The following TBCK variants were observed in gnomAD, a reference collection of about 807,000 sequenced individuals.
TBCK encodes TBC domain-containing protein kinase-like protein.
In TBCK, 99 loss-of-function variants were observed where a neutral mutation model predicts 113.4. The observed-to-expected ratio is 0.87, with a 90% CI of 0.74 to 1.03. TBCK has a LOEUF of 1.03. Among genes scored for constraint, TBCK ranks in the 50% least tolerant of loss-of-function variants. TBCK has a pLI of 0.00. For synonymous variants in TBCK, 369 were observed against 370.8 expected (o/e 1.00, Z 0.05); for missense variants, 1,045 against 1,061.3 (o/e 0.98, Z 0.21).
chr4:106,117,251 C>A (rs1455703007), intron 23 of TBCK, among the ~76,000 whole-genome samples: 1 of 152,120 alleles, frequency 6.6e-6, no homozygotes, highest in Admixed American at 6.5e-5. Flanking sequence ...ATATAAACTA[C>A]TGTTGTTTTG....
intron 11 of TBCK, among the ~76,000 whole-genome samples, chr4:106,243,474 G>A (rs1351195387): frequency 2.6e-5 from 4 of 151,864 alleles, no homozygotes; most frequent in Non-Finnish European, 5.9e-5. Context: ...TTTCTTCTTG[G>A]AATTTCCGTA....
chr4:106,094,231 T>C (rs1740657874), intron 25 of TBCK, among the ~76,000 whole-genome samples: 1 of 152,164 alleles, frequency 6.6e-6, no homozygotes, highest in Non-Finnish European at 1.5e-5. Flanking sequence ...TATTTTCATG[T>C]TTCCTTTTTT....
chr4:106,252,776 G>A (rs1193652262), intron 5 of TBCK, among the ~76,000 whole-genome samples: 2 of 152,012 alleles, frequency 1.3e-5, no homozygotes, highest in Non-Finnish European at 2.9e-5. Context: ...ATTCTTAGAA[G>A]TGGCATTCCA....
chr4:106,131,566 T>A (rs926821794), intron 23 of TBCK, among the ~76,000 whole-genome samples: 1 of 152,104 alleles, frequency 6.6e-6, no homozygotes, highest in African/African-American at 2.4e-5. Context: ...CGAGCCAAGA[T>A]CGCATCACTG....
chr4:106,255,931 C>A lies in TBCK; in HGVS notation c.456-3924G>T, dbSNP rs1560919169. ...GTCCCAAGGAGTGTCCAACACTCAG[C>A]TGAGAGGAGACCCTAGGGTGGATAG... On this transcript the variant is annotated intron_variant, in intron 5 of 25. Transcript: ENST00000394708. 4.6e-5 allele frequency among the ~76,000 whole-genome samples: 7 copies of A among 152,262 alleles called. No individual in the cohort carries two copies. The South Asian group carries it at 1.5e-3, about 32-fold the overall frequency.
At chr4:106,204,587 T>A (rs562156733) in intron 20 of TBCK, among the ~76,000 whole-genome samples, 51 of 152,226 alleles carry the variant, frequency 3.4e-4, no homozygotes, top group Non-Finnish European at 2.6e-4. Flanking sequence ...TTATTAAATA[T>A]CTCTTTTAAA....
chr4:106,231,781 T>C lies in TBCK; in HGVS notation c.1640-2A>G. On this transcript the variant is annotated splice_acceptor_variant, in intron 17 of 25. Coordinates refer to ENST00000394708, the MANE Select transcript of TBCK (RefSeq NM_001163435.3). LOFTEE classifies it high-confidence loss of function. ...ATGGAGCACAAAGTGAGTCAAGACCTAACACAGAGGGGTTGGGAGAAAGAA... is the reference window on the plus strand; with the variant it reads ...ATGGAGCACAAAGTGAGTCAAGACCCAACACAGAGGGGTTGGGAGAAAGAA... 6.2e-7 allele frequency: 1 copy of C among 1,609,134 alleles called. No individual in the cohort carries two copies. Among genetic ancestry groups the C allele is most frequent in the Non-Finnish European group, 8.5e-7 (1 of 1,177,378 alleles).
chr4:106,119,453 T>C (rs1386858324), intron 23 of TBCK, among the ~76,000 whole-genome samples: 1 of 152,102 alleles, frequency 6.6e-6, no homozygotes, highest in Non-Finnish European at 1.5e-5. Flanking sequence ...AAAAACTGAA[T>C]ATCTATATGC....
intron 3 of TBCK, among the ~76,000 whole-genome samples, chr4:106,290,844 G>A (rs568464767): frequency 6.6e-6 from 1 of 152,216 alleles, no homozygotes; most frequent in Non-Finnish European, 1.5e-5. Flanking sequence ...ATAGGAGCAC[G>A]AACCCTACTG....
chr4:106,210,084 G>A (rs938230823), intron 20 of TBCK, among the ~76,000 whole-genome samples: 1 of 152,086 alleles, frequency 6.6e-6, no homozygotes, highest in African/African-American at 2.4e-5. Flanking sequence ...GACATTTACT[G>A]TCCTTTGTTC....
At chr4:106,164,391 C>G (rs968478996) in intron 23 of TBCK, 2 of 151,866 alleles carry the variant, frequency 1.3e-5, no homozygotes, top group Non-Finnish European at 2.9e-5. Flanking sequence ...CTTATACTTA[C>G]TGTAAAAAGA....
rs762775278 is a variant in TBCK, at chr4:106,236,412, A to C, written c.1328T>G (p.Ile443Ser). Residue 443 changes from isoleucine (I) to serine (S), a missense_variant, in exon 14 of 26, where the codon ATT (isoleucine) becomes AGT (serine). By Grantham distance (142) the Ile-to-Ser change is moderately radical. Transcript: ENST00000394708. ...KDTEYQLNRI[I>S]LFDRLLKAYP... ...TACCTTTAGCAGCCTGTCGAAGAGA[A>C]TAATTCTATTTAGTTGGTACTCTGT... is the stretch of plus-strand genomic sequence containing the variant. The C allele has an allele frequency of 6.5e-7, 1 of 1,539,690 alleles. No homozygotes were observed. Among genetic ancestry groups the C allele is most frequent in the Non-Finnish European group, 8.7e-7 (1 of 1,142,906 alleles).
At chr4:106,242,714 T>G in intron 11 of TBCK, 145 bp from the exon 12 acceptor site, 1 of 495,774 alleles carries the variant, frequency 2.0e-6, no homozygotes. Flanking sequence ...CAATGTTTTT[T>G]TAATTATTAT....
At chr4:106,127,033 C>T (rs1745299637) in intron 23 of TBCK, among the ~76,000 whole-genome samples, 1 of 151,694 alleles carries the variant, frequency 6.6e-6, no homozygotes, top group South Asian at 2.1e-4. Context: ...CGTGGTGAAA[C>T]CCCATCTCTA....
chr4:106,316,213 CT>C, upstream of TBCK: 1 of 239,560 alleles, frequency 4.2e-6, no homozygotes, highest in Non-Finnish European at 8.2e-6. Flanking sequence ...ACCCTCTACC[CT>C]CCCCTCAGCC....
chr4:106,246,608 G>GCTTTAA (rs1760843883), intron 10 of TBCK, among the ~76,000 whole-genome samples: 1 of 151,986 alleles, frequency 6.6e-6, no homozygotes, highest in Non-Finnish European at 1.5e-5. Flanking sequence ...CTCCTTAAGG[G>GCTTTAA]CAAGAAAGCA....
intron 19 of TBCK, among the ~76,000 whole-genome samples, chr4:106,228,342 ATTTTT>A (rs35435051): frequency 1.4e-5 from 2 of 146,066 alleles, no homozygotes; most frequent in Admixed American, 1.4e-4. Flanking sequence ...TCTTTCGGTT[ATTTTT>A]TTTTTTTTAC....
chr4:106,255,362 C>T (rs999858811), intron 5 of TBCK, among the ~76,000 whole-genome samples: 13 of 152,184 alleles, frequency 8.5e-5, no homozygotes, highest in African/African-American at 1.9e-4. Context: ...GGATGCCACG[C>T]GGCCAAGGGA....
chr4:106,180,361 T>C (rs769429579), intron 22 of TBCK, among the ~76,000 whole-genome samples: 62 of 151,942 alleles, frequency 4.1e-4, no homozygotes, highest in Non-Finnish European at 7.5e-4. Flanking sequence ...GGTTAGGTGA[T>C]TTTCTCTAGT....
Sources: allele counts gnomAD v4.1 joint callset (sites outside exome capture counted in the v4.1 genomes callset), GRCh38; gene constraint gnomAD v4.1.1; transcripts MANE v1.5; gene names NCBI Gene and HGNC (gene_info 2026-07-23, HGNC 2026-07-21).